Variants in IMPA1 observed in about 807,000 individuals in gnomAD.
The protein encoded by IMPA1 is inositol monophosphatase 1.
In IMPA1, 21 loss-of-function variants were observed where a neutral mutation model predicts 34.9. The observed-to-expected ratio is 0.60, with a 90% CI of 0.43 to 0.87. The LOEUF is 0.87. IMPA1 is among the 40% of genes least tolerant of loss of function. The pLI is 0.00. For missense variants in IMPA1, 299 were observed against 336.4 expected (o/e 0.89, Z 0.87); for synonymous variants, 95 against 104.4 (o/e 0.91, Z 0.55).
At chr8:81,672,052 ATCC>A (rs1321644140) in intron 6 of IMPA1, among the ~76,000 whole-genome samples, 1 of 152,224 alleles carries the variant, frequency 6.6e-6, no homozygotes, top group Non-Finnish European at 1.5e-5. Context: ...ATAAGAATGC[ATCC>A]TCCATTTCAT....
intron 1 of IMPA1, among the ~76,000 whole-genome samples, chr8:81,685,068 A>C (rs1440231416): frequency 1.5e-5 from 2 of 134,152 alleles, no homozygotes; most frequent in African/African-American, 5.7e-5. Context: ...AAGTATATTT[A>C]GATATATATA....
chr8:81,684,943 TA>T (rs1360581146), intron 1 of IMPA1, among the ~76,000 whole-genome samples: 1 of 132,640 alleles, frequency 7.5e-6, no homozygotes, highest in South Asian at 2.3e-4. Flanking sequence ...ATACTATACA[TA>T]AGTATATTTA....
In IMPA1 at chr8:81,658,847, C is replaced by T. The variant is rs1806587382; in HGVS notation, c.*504G>A. On this transcript the variant is annotated 3_prime_UTR_variant, in exon 9 of 9. Coordinates refer to ENST00000256108, the MANE Select transcript of IMPA1 (RefSeq NM_005536.4). ...TTAGTTGCCTAGATATGTAATGGGC[C>T]AGGTGCTATATGAACACTGAAGAAT... The T allele has an allele frequency of 6.5e-6, 1 of 152,860 alleles. No homozygotes were observed. The highest frequency in any genetic ancestry group is 2.1e-4 in the South Asian group (1 of 4,868). 9.5% of individuals were successfully genotyped at this position (152,860 alleles called of 1,614,324 possible).
intron 1 of IMPA1, 44 bp downstream of exon 1, chr8:81,686,208 C>T: frequency 9.8e-7 from 1 of 1,019,548 alleles, no homozygotes; most frequent in Non-Finnish European, 1.2e-6. Context: ...ACCCACAGCG[C>T]CCGCTGAACC....
rs1272777844 is a variant in IMPA1, at chr8:81,658,519, G to T, written c.*832C>A. 1 of 152,548 alleles carries T rather than the reference G, an allele frequency of 6.6e-6. No individual in the cohort carries two copies. The highest frequency in any genetic ancestry group is 1.5e-5 in the Non-Finnish European group (1 of 68,016). The allele number at this position is 152,548 out of a possible 1,614,324, so 9.4% of individuals were successfully genotyped here. A position where few individuals can be genotyped will look rare whatever the true frequency, so the allele number is the denominator to read the frequency against. On this transcript the variant is annotated 3_prime_UTR_variant, in exon 9 of 9. Coordinates refer to ENST00000256108, the MANE Select transcript of IMPA1 (RefSeq NM_005536.4). ...TATCTAATTATGTCAGATATCTGAT[G>T]AGAGTGCTTTTTATTATAGAAATAG...
At chr8:81,686,140 C>T (rs1411663790) in intron 1 of IMPA1, 112 bp downstream of exon 1, 2 of 830,548 alleles carry the variant, frequency 2.4e-6, no homozygotes, top group Non-Finnish European at 3.2e-6. Context: ...CCACCCTAGG[C>T]GCCGACCGCG....
intron 6 of IMPA1, 107 bp downstream of exon 6, chr8:81,673,734 A>G: frequency 1.5e-6 from 1 of 654,774 alleles, no homozygotes; most frequent in Non-Finnish European, 2.7e-6. Flanking sequence ...AATAAACACA[A>G]TTTATGAATC....
Position 81,681,467 on chromosome 8 carries a change from T to C in IMPA1, c.63+31A>G, listed in dbSNP as rs376007347. 282 of 1,186,038 alleles carry C rather than the reference T, an allele frequency of 2.4e-4. 2 individuals are homozygous for C. In the East Asian group the frequency reaches 4.8e-3, roughly 20 times the overall value. 73.5% of individuals were successfully genotyped at this position (1,186,038 alleles called of 1,614,324 possible). A position where few individuals can be genotyped will look rare whatever the true frequency, so the allele number is the denominator to read the frequency against. On this transcript the variant is annotated intron_variant, in intron 2 of 8. Transcript: ENST00000256108. ...GTATACCCACCAATCACATTATAATTGATTATAATTGACAAAATCTTAGCT... is the reference window on the plus strand; with the variant it reads ...GTATACCCACCAATCACATTATAATCGATTATAATTGACAAAATCTTAGCT...
intron 4 of IMPA1, among the ~76,000 whole-genome samples, chr8:81,677,345 T>A (rs185912128): frequency 1.3e-5 from 2 of 152,194 alleles, no homozygotes; most frequent in African/African-American, 4.8e-5. Flanking sequence ...TCCACCCACC[T>A]TGGCCTCCCA....
At chr8:81,685,810 C>G (rs1231232212) in intron 1 of IMPA1, 1 of 1,546,824 alleles carries the variant, frequency 6.5e-7, no homozygotes, top group Non-Finnish European at 8.7e-7. Flanking sequence ...CCTGCTGTTT[C>G]TGTCCTGGTC....
chr8:81,659,392 C>G lies in IMPA1; in HGVS notation c.793G>C (p.Glu265Gln). Reference sequence around the variant, plus strand: ...CGTTGCAAAGGTATAACCTGAATTTCTTTAGCTATCCTTTCTGCTAATATT... The same window carrying G: ...CGTTGCAAAGGTATAACCTGAATTTGTTTAGCTATCCTTTCTGCTAATATT... ...NRILAERIAKEIQVIPLQRDD... is the reference protein window; with the variant it reads ...NRILAERIAKQIQVIPLQRDD... The change falls in exon 9 of 9, where the codon GAA (glutamate) becomes CAA (glutamine). Residue 265 changes from glutamate to glutamine, a missense_variant. Glu to Gln is a conservative substitution (Grantham distance 29). Coordinates refer to ENST00000256108, the MANE Select transcript of IMPA1 (RefSeq NM_005536.4). 6.2e-7 allele frequency: 1 copy of G among 1,611,686 alleles called. No homozygotes were observed. The highest frequency in any genetic ancestry group is 8.5e-7 in the Non-Finnish European group (1 of 1,178,008).
At chr8:81,681,967 A>G (rs1344513977) in intron 1 of IMPA1, among the ~76,000 whole-genome samples, 2 of 152,192 alleles carry the variant, frequency 1.3e-5, no homozygotes, top group Admixed American at 1.3e-4. Flanking sequence ...AAATAAAAGA[A>G]GCTTGAAGGG....
intron 1 of IMPA1, 187 bp downstream of exon 1, chr8:81,686,065 C>G: frequency 9.3e-7 from 1 of 1,073,926 alleles, no homozygotes; most frequent in Non-Finnish European, 1.3e-6. Context: ...AATGCCGGAA[C>G]TGTTCCCGGT....
intron 4 of IMPA1, 65 bp from the exon 5 acceptor site, chr8:81,676,344 T>C (rs762019350): frequency 1.3e-6 from 1 of 795,384 alleles, no homozygotes. Context: ...ATAAAATTAA[T>C]CTTTTCATAA....
At position 81,659,014 on chromosome 8, in the gene IMPA1, C is replaced by T; in HGVS notation, c.*337G>A. ...TTAACTTTCTAAGTGGGTGTCTCTG[C>T]ACCTATATACTAAGTCAAAATTTCA... On this transcript the variant is annotated 3_prime_UTR_variant, in exon 9 of 9. Transcript: ENST00000256108. The T allele has an allele frequency of 3.8e-6, 1 of 262,706 alleles. No individual in the cohort carries two copies. The highest frequency in any genetic ancestry group is 7.2e-6 in the Non-Finnish European group (1 of 138,828). 16.3% of individuals were successfully genotyped at this position (262,706 alleles called of 1,614,324 possible).
chr8:81,675,477 T>A (rs1807106072), intron 5 of IMPA1, among the ~76,000 whole-genome samples: 1 of 152,206 alleles, frequency 6.6e-6, no homozygotes, highest in Non-Finnish European at 1.5e-5. Context: ...AGGGCCAGCA[T>A]ACAGCCCAGA....
chr8:81,685,898 A>C (rs1240781015), intron 1 of IMPA1: 2 of 1,545,992 alleles, frequency 1.3e-6, no homozygotes, highest in Admixed American at 4.0e-5. Context: ...GCAGCACAGG[A>C]CCTGGGCGCT....
At position 81,673,299 on chromosome 8, in the gene IMPA1, G is replaced by T. The variant is rs1355942551; in HGVS notation, c.457+542C>A. Among the ~76,000 whole-genome samples, 9 of 152,190 alleles carry T rather than the reference G, an allele frequency of 5.9e-5. No individual in the cohort carries two copies. The South Asian group carries it at 1.9e-3, about 32-fold the overall frequency. Reference sequence around the variant, plus strand: ...CAGATTCACTGAGCCAGACTCAATTGTGTATTTAAAGGCTGATTACGGACT... The same window carrying T: ...CAGATTCACTGAGCCAGACTCAATTTTGTATTTAAAGGCTGATTACGGACT... On this transcript the variant is annotated intron_variant, in intron 6 of 8. Transcript: ENST00000256108.
At chr8:81,663,652 G>A (rs977068774) in intron 7 of IMPA1, among the ~76,000 whole-genome samples, 3 of 152,312 alleles carry the variant, frequency 2.0e-5, no homozygotes, top group Admixed American at 2.0e-4. Flanking sequence ...ATAGTAGGTG[G>A]TGAAAATATT....
Sources: allele counts gnomAD v4.1 joint callset (sites outside exome capture counted in the v4.1 genomes callset), GRCh38; gene constraint gnomAD v4.1.1; transcripts MANE v1.5; gene names NCBI Gene and HGNC (gene_info 2026-07-23, HGNC 2026-07-21).